Variants in RNASEH2B observed in about 807,000 individuals in gnomAD.
The protein encoded by RNASEH2B is Aicardi-Goutieres syndrome 2 protein.
A neutral mutation model predicts 45.0 loss-of-function variants in RNASEH2B; 36 were observed. The observed-to-expected ratio is 0.80, with a 90% CI of 0.61 to 1.06. The LOEUF is 1.06. RNASEH2B is among the 50% of genes least tolerant of loss of function. The pLI, the probability that RNASEH2B is intolerant of heterozygous loss-of-function variation, is 0.00. For synonymous variants in RNASEH2B, 119 were observed against 125.7 expected (o/e 0.95, Z 0.35); for missense variants, 361 against 360.3 (o/e 1.00, Z -0.02).
At chr13:50,920,314 C>T (rs1310657660) in intron 1 of RNASEH2B, among the ~76,000 whole-genome samples, 2 of 152,148 alleles carry the variant, frequency 1.3e-5, no homozygotes, top group Non-Finnish European at 2.9e-5. Context: ...TTTCACAATA[C>T]TGGGATTACA....
chr13:50,957,803 C>G (rs1952070429), downstream of RNASEH2B, among the ~76,000 whole-genome samples: 1 of 152,204 alleles, frequency 6.6e-6, no homozygotes, highest in Non-Finnish European at 1.5e-5. Context: ...CCTGCTCTGA[C>G]TGGTAGGAGA....
At chr13:50,953,383 C>T (rs936331570) in intron 9 of RNASEH2B, 1 of 161,144 alleles carries the variant, frequency 6.2e-6, no homozygotes, top group African/African-American at 2.4e-5. Context: ...TTCATTTAGC[C>T]TCTCTGTGCT....
At position 50,909,914 on chromosome 13, in the gene RNASEH2B, G is replaced by A. The variant is rs1019202101; in HGVS notation, c.-163G>A. 4.0e-5 allele frequency: 21 copies of A among 522,036 alleles called. No individual in the cohort carries two copies. The highest frequency in any genetic ancestry group is 5.0e-4 in the Middle Eastern group (1 of 1,986). 32.3% of individuals were successfully genotyped at this position (522,036 alleles called of 1,614,324 possible). The stretch of plus-strand genomic sequence containing the variant: ...GTAACACGAGCAGCAGGCTGGTCTC[G>A]GAAACGAAACGAAATTCGGTCCCTG... On this transcript the variant is annotated 5_prime_UTR_variant, in exon 1 of 11. Coordinates refer to ENST00000336617, the MANE Select transcript of RNASEH2B (RefSeq NM_024570.4).
At position 50,954,241 on chromosome 13, in the gene RNASEH2B, G is replaced by C. The variant is rs1952015382; in HGVS notation, c.822+256G>C. ...GCCTAAATTTTGCTATGTATTCATAGAGTGATAGGGTGGGAAAGGAGGGAG... is the reference window on the plus strand; with the variant it reads ...GCCTAAATTTTGCTATGTATTCATACAGTGATAGGGTGGGAAAGGAGGGAG... On this transcript the variant is annotated intron_variant, in intron 10 of 10. Transcript: ENST00000336617. 1.4e-5 allele frequency: 8 copies of C among 573,720 alleles called. No homozygotes were observed. In the South Asian group the frequency reaches 1.9e-4, roughly 13 times the overall value. 35.5% of individuals were successfully genotyped at this position (573,720 alleles called of 1,614,324 possible).
intron 4 of RNASEH2B, among the ~76,000 whole-genome samples, chr13:50,932,908 C>G (rs1951698471): frequency 1.3e-5 from 2 of 152,214 alleles, no homozygotes; most frequent in Admixed American, 1.3e-4. Context: ...AGCTTAGCCT[C>G]TTTTAGCCTC....
intron 5 of RNASEH2B, chr13:50,937,442 G>T (rs1951769534): frequency 6.6e-6 from 1 of 151,866 alleles, no homozygotes; most frequent in Admixed American, 6.6e-5. Context: ...ACCCAAGCTG[G>T]TCTTGAACTC....
At chr13:50,913,880 A>G (rs1295413030) in intron 1 of RNASEH2B, among the ~76,000 whole-genome samples, 2 of 152,218 alleles carry the variant, frequency 1.3e-5, no homozygotes, top group Non-Finnish European at 1.5e-5. Context: ...TATCTTTCCA[A>G]TTGGAATGCA....
intron 9 of RNASEH2B, chr13:50,969,921 T>C (rs535242300): frequency 4.8e-5 from 74 of 1,551,384 alleles, no homozygotes; most frequent in Non-Finnish European, 6.4e-5. Context: ...ATGTTTTCCT[T>C]TCCTCTCTAG....
At chr13:50,922,820 T>C (rs915562738) in intron 1 of RNASEH2B, among the ~76,000 whole-genome samples, 6 of 152,166 alleles carry the variant, frequency 3.9e-5, no homozygotes, top group Admixed American at 1.3e-4. Context: ...ATAGGGAAAG[T>C]AGTCAATAGA....
rs746633003 is a variant in RNASEH2B at position 50,943,324 on chromosome 13, A to C, written c.440A>C (p.Asn147Thr). The change falls in exon 6 of 11, where the codon AAT becomes ACT. Residue 147 changes from asparagine (N) to threonine (T), a missense_variant. By Grantham distance (65) the Asn-to-Thr change is moderately conservative. Coordinates refer to ENST00000336617, the MANE Select transcript of RNASEH2B (RefSeq NM_024570.4). ...TGAGTCTTTTTTTTCTTTTAAGGTA[A>C]TCCAGAAATAGACAACAAGAAATAT... ...LLHHVTEEKG[N>T]PEIDNKKYYK... 6.3e-6 allele frequency: 10 copies of C among 1,576,122 alleles called. No individual in the cohort carries two copies. In the African/African-American group the frequency reaches 1.2e-4, roughly 19 times the overall value.
chr13:50,922,938 G>A (rs1951544041), intron 1 of RNASEH2B, among the ~76,000 whole-genome samples: 1 of 152,188 alleles, frequency 6.6e-6, no homozygotes, highest in African/African-American at 2.4e-5. Context: ...AAGAATGAAA[G>A]GAAAGTATGA....
chr13:50,931,826 T>C (rs1418856981), intron 4 of RNASEH2B, among the ~76,000 whole-genome samples: 1 of 152,202 alleles, frequency 6.6e-6, no homozygotes, highest in African/African-American at 2.4e-5. Flanking sequence ...TTAAAATGCA[T>C]TGGTCTATCT....
intron 1 of RNASEH2B, among the ~76,000 whole-genome samples, chr13:50,920,617 T>C (rs905853738): frequency 6.6e-6 from 1 of 152,220 alleles, no homozygotes; most frequent in Non-Finnish European, 1.5e-5. Flanking sequence ...GCATGACTTA[T>C]GTCATCTCTT....
chr13:50,944,065 G>A (rs1310771880), intron 6 of RNASEH2B, among the ~76,000 whole-genome samples: 2 of 151,628 alleles, frequency 1.3e-5, no homozygotes, highest in Admixed American at 6.6e-5. Context: ...GGGATGGGAC[G>A]GGATGGGATG....
intron 5 of RNASEH2B, among the ~76,000 whole-genome samples, chr13:50,939,490 A>G (rs746016597): frequency 2.0e-5 from 3 of 152,222 alleles, no homozygotes; most frequent in Non-Finnish European, 2.9e-5. Context: ...ATTGCACTCC[A>G]ATTTGGGTAA....
intron 9 of RNASEH2B, among the ~76,000 whole-genome samples, chr13:50,962,416 T>TC (rs1952120585): frequency 6.7e-6 from 1 of 149,382 alleles, no homozygotes; most frequent in Non-Finnish European, 1.5e-5. Flanking sequence ...TTCTTTTTTT[T>TC]TCTTGTGCCA....
intron 1 of RNASEH2B, among the ~76,000 whole-genome samples, chr13:50,919,878 C>A (rs1951494331): frequency 1.3e-5 from 2 of 152,162 alleles, no homozygotes; most frequent in African/African-American, 2.4e-5. Flanking sequence ...CCGTAAATGG[C>A]CAATACATAT....
intron 1 of RNASEH2B, among the ~76,000 whole-genome samples, chr13:50,919,365 C>T (rs1289905013): frequency 6.6e-6 from 1 of 152,110 alleles, no homozygotes; most frequent in Non-Finnish European, 1.5e-5. Flanking sequence ...TGCTGTGTAA[C>T]CTAACTTCTC....
intron 1 of RNASEH2B, among the ~76,000 whole-genome samples, chr13:50,925,540 C>T (rs1185263755): frequency 6.6e-6 from 1 of 152,134 alleles, no homozygotes; most frequent in African/African-American, 2.4e-5. Flanking sequence ...TTTGGTAGGA[C>T]CAGTCCAGCA....
Sources: gnomAD v4.1 joint callset for allele counts (sites outside exome capture counted in the v4.1 genomes callset) on GRCh38, gnomAD v4.1.1 for gene constraint, MANE v1.5 for transcripts, NCBI Gene and HGNC (gene_info 2026-07-23, HGNC 2026-07-21) for gene names.